The following TRAPPC9 variants were observed in gnomAD, a reference collection of about 807,000 sequenced individuals.
TRAPPC9 encodes trafficking protein particle complex subunit 9.
TRAPPC9 carries 83 observed loss-of-function variants against 124.0 expected under a neutral mutation model. The observed-to-expected ratio is 0.67, with a 90% CI of 0.56 to 0.80. TRAPPC9 has a LOEUF of 0.80. Among genes scored for constraint, TRAPPC9 ranks in the 30% least tolerant of loss-of-function variants. The probability of loss-of-function intolerance (pLI) is 0.00; values close to 1 mark genes in which losing one functional copy is unlikely to be tolerated. For missense variants in TRAPPC9, 1,302 were observed against 1,508.3 expected (o/e 0.86, Z 2.27); for synonymous variants, 638 against 617.5 (o/e 1.03, Z -0.49).
rs150128146 is a variant in TRAPPC9, at chr8:140,209,494, A to G, written c.2556+11965T>C. On this transcript the variant is annotated intron_variant, in intron 17 of 22. Transcript: ENST00000438773. Reference sequence around the variant, plus strand: ...TCCACATGCAGCAGACTCTCTCTGCATCTCTTACTTCTACATTTCTTATTA... The same window carrying G: ...TCCACATGCAGCAGACTCTCTCTGCGTCTCTTACTTCTACATTTCTTATTA... Among the ~76,000 whole-genome samples, 60 of 152,346 alleles carry G rather than the reference A, an allele frequency of 3.9e-4. 1 individual carries two copies. The highest frequency in any genetic ancestry group is 1.3e-3 in the African/African-American group (55 of 41,578).
chr8:139,792,478 A>G lies in TRAPPC9; in HGVS notation c.3056-60276T>C, dbSNP rs73362180. ...GGTGTGCTGTGGGGCGCTTACATAC[A>G]CAGATGCACTTGGGAGACAAATGCC... On this transcript the variant is annotated intron_variant, in intron 21 of 22. Transcript: ENST00000438773. 6.1e-3 allele frequency among the ~76,000 whole-genome samples: 924 copies of G among 152,282 alleles called. 8 individuals are homozygous for G. The highest frequency in any genetic ancestry group is 0.021 in the African/African-American group (874 of 41,552).
At chr8:139,750,556 G>A (rs1819244570) in intron 21 of TRAPPC9, among the ~76,000 whole-genome samples, 1 of 152,190 alleles carries the variant, frequency 6.6e-6, no homozygotes, top group South Asian at 2.1e-4. Context: ...CACAGGCTGA[G>A]GGGCTCTCCA....
chr8:140,005,272 C>A (rs1208187554), intron 18 of TRAPPC9, among the ~76,000 whole-genome samples: 1 of 152,198 alleles, frequency 6.6e-6, no homozygotes, highest in Non-Finnish European at 1.5e-5. Context: ...CTAGCAGTGA[C>A]ACCAGGGACT....
chr8:140,310,897 G>C (rs968367760), intron 10 of TRAPPC9, among the ~76,000 whole-genome samples: 5 of 151,928 alleles, frequency 3.3e-5, no homozygotes, highest in African/African-American at 1.2e-4. Context: ...TGCGGAAAGG[G>C]AAATGACTGA....
At chr8:140,377,924 C>T (rs1237935857) in intron 7 of TRAPPC9, among the ~76,000 whole-genome samples, 3 of 151,670 alleles carry the variant, frequency 2.0e-5, no homozygotes, top group African/African-American at 7.3e-5. Context: ...CACGCCACTG[C>T]ACTCCAGCAT....
chr8:140,233,731 G>A (rs1410323887), intron 16 of TRAPPC9, among the ~76,000 whole-genome samples: 1 of 130,736 alleles, frequency 7.6e-6, no homozygotes, highest in Admixed American at 8.4e-5. Flanking sequence ...CTGCCACAGA[G>A]TTTTTACACA....
intron 17 of TRAPPC9, among the ~76,000 whole-genome samples, chr8:140,033,670 T>TTTTTTTTG (rs1840667136): frequency 3.8e-5 from 3 of 78,240 alleles, no homozygotes; most frequent in East Asian, 3.4e-4. Flanking sequence ...TTTTTTTTTT[T>TTTTTTTTG]TTTTTTTTTT....
At chr8:139,854,859 G>T (rs527263278) in intron 21 of TRAPPC9, among the ~76,000 whole-genome samples, 1 of 152,082 alleles carries the variant, frequency 6.6e-6, no homozygotes, top group Non-Finnish European at 1.5e-5. Flanking sequence ...GTTTCCCTAC[G>T]ACCTGCCTGG....
Position 139,730,785 on chromosome 8 carries a change from T to TG in TRAPPC9, c.*275dup. 2.0e-6 allele frequency: 1 copy of TG among 490,034 alleles called. No homozygotes were observed. The highest frequency in any genetic ancestry group is 2.4e-5 in the South Asian group (1 of 41,224). The allele number at this position is 490,034 out of a possible 1,614,324, so 30.4% of individuals were successfully genotyped here. Reference sequence around the variant, plus strand: ...CAGGGATCCTGGGACCTGGGCTGGATGGGCACCCGCTTTGGGATTTCCTCT... The same window carrying TG: ...CAGGGATCCTGGGACCTGGGCTGGATGGGGCACCCGCTTTGGGATTTCCTCT... On this transcript the variant is annotated 3_prime_UTR_variant, in exon 23 of 23. Coordinates refer to ENST00000438773, the MANE Select transcript of TRAPPC9 (RefSeq NM_001160372.4).
At chr8:140,052,159 A>G (rs1842039642) in intron 17 of TRAPPC9, among the ~76,000 whole-genome samples, 1 of 152,178 alleles carries the variant, frequency 6.6e-6, no homozygotes, top group South Asian at 2.1e-4. Flanking sequence ...ATTCAAAATT[A>G]CCACAGCAAA....
At position 140,265,137 on chromosome 8, in the gene TRAPPC9, C is replaced by T. The variant is rs556337103; in HGVS notation, c.2278+10521G>A. The stretch of plus-strand genomic sequence containing the variant: ...CACAGAAACCAGGAGGGCAACAGGC[C>T]GGCCTATTCCACATACACAGAAGCA... On this transcript the variant is annotated intron_variant, in intron 15 of 22. Transcript: ENST00000438773. Among the ~76,000 whole-genome samples, 4 of 152,092 alleles carry T rather than the reference C, an allele frequency of 2.6e-5. No individual in the cohort carries two copies. The East Asian group carries it at 5.8e-4, about 22-fold the overall frequency.
At chr8:140,363,798 A>C (rs901066032) in intron 8 of TRAPPC9, among the ~76,000 whole-genome samples, 1 of 151,986 alleles carries the variant, frequency 6.6e-6, no homozygotes, top group Non-Finnish European at 1.5e-5. Context: ...GGGTTTCACC[A>C]TATTGGCCAG....
chr8:139,730,819 C>T lies in TRAPPC9; in HGVS notation c.*242G>A. The T allele has an allele frequency of 1.8e-6, 1 of 561,062 alleles. No individual in the cohort carries two copies. Among genetic ancestry groups the T allele is most frequent in the Non-Finnish European group, 3.2e-6 (1 of 313,700 alleles). 34.8% of individuals were successfully genotyped at this position (561,062 alleles called of 1,614,324 possible). On this transcript the variant is annotated 3_prime_UTR_variant, in exon 23 of 23. Transcript: ENST00000438773. ...GCTTTGGGATTTCCTCTGCTTCAGC[C>T]TGTGTATGGTCCAGGGAACAGTGTA...
At chr8:139,959,580 A>AGC (rs1835239337) in intron 19 of TRAPPC9, among the ~76,000 whole-genome samples, 1 of 152,144 alleles carries the variant, frequency 6.6e-6, no homozygotes, top group Non-Finnish European at 1.5e-5. Flanking sequence ...TCCCACCACC[A>AGC]ACACCCCTCC....
chr8:140,431,154 A>AT (rs2070628076), intron 4 of TRAPPC9, among the ~76,000 whole-genome samples: 1 of 152,044 alleles, frequency 6.6e-6, no homozygotes. Flanking sequence ...AATTATGGGT[A>AT]TAAGAACTAC....
chr8:140,343,432 T>C (rs539562776), intron 9 of TRAPPC9, among the ~76,000 whole-genome samples: 1 of 152,196 alleles, frequency 6.6e-6, no homozygotes, highest in African/African-American at 2.4e-5. Flanking sequence ...CCATGAGAAA[T>C]CTCACTGGGC....
chr8:140,179,204 G>A (rs1170380308), intron 17 of TRAPPC9, among the ~76,000 whole-genome samples: 1 of 152,088 alleles, frequency 6.6e-6, no homozygotes, highest in Non-Finnish European at 1.5e-5. Flanking sequence ...CCCAGTGTAA[G>A]CATCTATGGC....
At chr8:140,424,681 C>G (rs1022312408) in intron 5 of TRAPPC9, among the ~76,000 whole-genome samples, 1 of 148,850 alleles carries the variant, frequency 6.7e-6, no homozygotes, top group Non-Finnish European at 1.5e-5. Context: ...GAAAAAAACA[C>G]AAGAAAAAAG....
rs546256761 is a variant in TRAPPC9, at chr8:140,230,869, T to C, written c.2432-9286A>G. Among the ~76,000 whole-genome samples, 21 of 152,312 alleles carry C rather than the reference T, an allele frequency of 1.4e-4. 1 individual carries two copies. The East Asian group carries it at 2.5e-3, about 18-fold the overall frequency. ...ATTTGTGAGCACTGGGGATCGGTCCTGGAGGGTAGGCCCTCTTCTGCGGAA... is the reference window on the plus strand; with the variant it reads ...ATTTGTGAGCACTGGGGATCGGTCCCGGAGGGTAGGCCCTCTTCTGCGGAA... On this transcript the variant is annotated intron_variant, in intron 16 of 22. Coordinates refer to ENST00000438773, the MANE Select transcript of TRAPPC9 (RefSeq NM_001160372.4).
Sources: gnomAD v4.1 joint callset for allele counts (sites outside exome capture counted in the v4.1 genomes callset) on GRCh38, gnomAD v4.1.1 for gene constraint, MANE v1.5 for transcripts, NCBI Gene and HGNC (gene_info 2026-07-23, HGNC 2026-07-21) for gene names.